Variants in CCSER1 observed in about 807,000 individuals in gnomAD.
CCSER1 encodes coiled-coil serine rich protein 1.
In CCSER1, 41 loss-of-function variants were observed where a neutral mutation model predicts 82.0. The ratio of observed to expected loss-of-function variants is 0.50; its 90% CI spans 0.39 to 0.65. The LOEUF (loss-of-function observed/expected upper bound fraction) is 0.65, where lower values mean the gene tolerates loss of function less well. Ranked by LOEUF, CCSER1 falls within the 30% of genes least tolerant of loss-of-function variation. The pLI is 0.00. For synonymous variants in CCSER1, 414 were observed against 383.9 expected (o/e 1.08, Z -0.92); for missense variants, 1,119 against 1,064.2 (o/e 1.05, Z -0.72).
intron 3 of CCSER1, among the ~76,000 whole-genome samples, chr4:90,332,186 A>G (rs1739418044): frequency 1.3e-5 from 2 of 152,116 alleles, no homozygotes; most frequent in Admixed American, 1.3e-4. Context: ...TAGAACGAGC[A>G]TCACTTTAGT....
At chr4:91,477,949 C>G (rs1185068573) in intron 10 of CCSER1, among the ~76,000 whole-genome samples, 1 of 151,798 alleles carries the variant, frequency 6.6e-6, no homozygotes, top group Admixed American at 6.6e-5. Flanking sequence ...TAGTAAATGA[C>G]TGATTCAAGG....
Position 90,968,901 on chromosome 4 carries a change from C to T in CCSER1, c.2172+45454C>T, listed in dbSNP as rs1442883864. On this transcript the variant is annotated intron_variant, in intron 9 of 10. Transcript: ENST00000509176. ...TGTTTTAAGGAAGCTCAAGATGCTA[C>T]AGAAACACAGAAAAATGAACAAAAA... is the stretch of plus-strand genomic sequence containing the variant. Among the ~76,000 whole-genome samples the T allele has an allele frequency of 2.6e-5, 4 of 151,160 alleles. No homozygotes were observed. In the East Asian group the frequency reaches 7.8e-4, roughly 29 times the overall value.
intron 1 of CCSER1, among the ~76,000 whole-genome samples, chr4:90,131,930 T>A (rs577466557): frequency 6.6e-6 from 1 of 152,300 alleles, no homozygotes; most frequent in South Asian, 2.1e-4. Flanking sequence ...AAGGGAAACA[T>A]CTGAGTTGAC....
intron 10 of CCSER1, among the ~76,000 whole-genome samples, chr4:91,143,233 T>G (rs1729207182): frequency 6.6e-6 from 1 of 151,018 alleles, no homozygotes; most frequent in African/African-American, 2.4e-5. Context: ...TTTTTTTGTG[T>G]GTGCGGCTAT....
Position 90,600,973 on chromosome 4 carries a change from T to A in CCSER1, c.1725-27052T>A, listed in dbSNP as rs1783965289. Among the ~76,000 whole-genome samples the A allele has an allele frequency of 1.7e-5, 2 of 119,102 alleles. 1 individual carries two copies. The highest frequency in any genetic ancestry group is 3.3e-5 in the Non-Finnish European group (2 of 60,792). The allele number at this position is 119,102 out of a possible 152,430, so 78.1% of individuals were successfully genotyped here. The stretch of plus-strand genomic sequence containing the variant: ...TAGTGATATTATTTTATTTCAAATC[T>A]ATTTTTTTCATTGCTAATGTATTGA... On this transcript the variant is annotated intron_variant, in intron 5 of 10. Coordinates refer to ENST00000509176, the MANE Select transcript of CCSER1 (RefSeq NM_001145065.2).
chr4:90,355,753 G>A (rs186795156), intron 3 of CCSER1, among the ~76,000 whole-genome samples: 111 of 151,962 alleles, frequency 7.3e-4, no homozygotes, highest in African/African-American at 2.1e-3. Context: ...TTGCTTCTTG[G>A]CATTTGTTCA....
Position 90,854,394 on chromosome 4 carries a change from A to T in CCSER1, c.2094+38549A>T, listed in dbSNP as rs144176148. On this transcript the variant is annotated intron_variant, in intron 8 of 10. Coordinates refer to ENST00000509176, the MANE Select transcript of CCSER1 (RefSeq NM_001145065.2). ...GCAAATTCTAAAACCATATATTTCAAGTGATTGTTGCTTTGTTATTGCTCA... is the reference window on the plus strand; with the variant it reads ...GCAAATTCTAAAACCATATATTTCATGTGATTGTTGCTTTGTTATTGCTCA... Among the ~76,000 whole-genome samples the T allele has an allele frequency of 2.6e-5, 4 of 152,294 alleles. No individual in the cohort carries two copies. The East Asian group carries it at 7.7e-4, about 29-fold the overall frequency.
At chr4:91,106,754 G>A (rs986989999) in intron 10 of CCSER1, among the ~76,000 whole-genome samples, 1 of 152,158 alleles carries the variant, frequency 6.6e-6, no homozygotes, top group Non-Finnish European at 1.5e-5. Flanking sequence ...CTCTGTGCAA[G>A]CTAGATAGCC....
At chr4:91,336,732 C>T (rs182711609) in intron 10 of CCSER1, among the ~76,000 whole-genome samples, 1 of 152,074 alleles carries the variant, frequency 6.6e-6, no homozygotes. Context: ...TAAGAACTCT[C>T]TTTAATTATA....
intron 10 of CCSER1, among the ~76,000 whole-genome samples, chr4:91,360,422 G>T (rs1005851056): frequency 5.8e-5 from 8 of 137,602 alleles, no homozygotes; most frequent in African/African-American, 2.1e-4. Context: ...ACCTTCAAAT[G>T]TCAAAAAAAA....
intron 7 of CCSER1, chr4:90,781,348 T>G: frequency 2.0e-6 from 2 of 985,388 alleles, no homozygotes; most frequent in Non-Finnish European, 2.4e-6. Flanking sequence ...TGCAAACCTC[T>G]TTTGTACTGT....
At chr4:91,097,432 C>G (rs1724618114) in intron 10 of CCSER1, among the ~76,000 whole-genome samples, 1 of 152,060 alleles carries the variant, frequency 6.6e-6, no homozygotes, top group South Asian at 2.1e-4. Flanking sequence ...ATTTGCATGA[C>G]TCAGATCTCT....
chr4:90,514,071 T>C (rs1771918751), intron 5 of CCSER1, among the ~76,000 whole-genome samples: 2 of 152,072 alleles, frequency 1.3e-5, no homozygotes, highest in Admixed American at 1.3e-4. Context: ...GAGAAGAACA[T>C]TTACAAAGGA....
chr4:90,800,434 A>C (rs1756651251), intron 7 of CCSER1, among the ~76,000 whole-genome samples: 1 of 151,974 alleles, frequency 6.6e-6, no homozygotes, highest in Admixed American at 6.6e-5. Flanking sequence ...TGTAGTTTAC[A>C]TTGTGGGAGG....
chr4:91,307,215 A>T (rs1489192007), intron 10 of CCSER1, among the ~76,000 whole-genome samples: 1 of 151,934 alleles, frequency 6.6e-6, no homozygotes, highest in Non-Finnish European at 1.5e-5. Context: ...ATATCCCCAT[A>T]TAACCTCTCT....
chr4:90,382,647 A>G (rs1749382374), intron 3 of CCSER1, among the ~76,000 whole-genome samples: 1 of 152,134 alleles, frequency 6.6e-6, no homozygotes, highest in Non-Finnish European at 1.5e-5. Context: ...AGCACTCTGT[A>G]ATTGCCTATG....
Position 90,381,012 on chromosome 4 carries a change from T to TG in CCSER1, c.1510-19022dup, listed in dbSNP as rs553895635. Reference sequence around the variant, plus strand: ...AGCCTGGACCAGAGTTGGGCACTGATGGCACCCAGGAGTGCTGGCCCAGCC... The same window carrying TG: ...AGCCTGGACCAGAGTTGGGCACTGATGGGCACCCAGGAGTGCTGGCCCAGCC... On this transcript the variant is annotated intron_variant, in intron 3 of 10. Coordinates refer to ENST00000509176, the MANE Select transcript of CCSER1 (RefSeq NM_001145065.2). 3.2e-3 allele frequency among the ~76,000 whole-genome samples: 480 copies of TG among 152,362 alleles called. 3 individuals are homozygous for TG. Among genetic ancestry groups the TG allele is most frequent in the Non-Finnish European group, 6.0e-3 (407 of 68,036 alleles).
At position 91,358,391 on chromosome 4, in the gene CCSER1, G is replaced by GTTTTTTTTTTTTTTTT. The variant is rs34378206; in HGVS notation, c.2218-240179_2218-240178insTTTTTTTTTTTTTTTT. ...TGGGCTTACTTTGTGCCTGACCCAC[G>GTTTTTTTTTTTTTTTT]TTGTTTTTTTTTTTTTTTTCCCGAG... On this transcript the variant is annotated intron_variant, in intron 10 of 10. Transcript: ENST00000509176. 1.6e-5 allele frequency among the ~76,000 whole-genome samples: 2 copies of GTTTTTTTTTTTTTTTT among 127,052 alleles called. 1 individual carries two copies. The highest frequency in any genetic ancestry group is 6.5e-5 in the African/African-American group (2 of 30,568). The allele number at this position is 127,052 out of a possible 152,430, so 83.4% of individuals were successfully genotyped here. A position where few individuals can be genotyped will look rare whatever the true frequency, so the allele number is the denominator to read the frequency against.
At chr4:91,554,769 A>G (rs972625285) in intron 10 of CCSER1, among the ~76,000 whole-genome samples, 3 of 151,308 alleles carry the variant, frequency 2.0e-5, no homozygotes, top group African/African-American at 7.3e-5. Flanking sequence ...ACATCACACT[A>G]CTGATTTTAG....
Sources: allele counts gnomAD v4.1 joint callset (sites outside exome capture counted in the v4.1 genomes callset), GRCh38; gene constraint gnomAD v4.1.1; transcripts MANE v1.5; gene names NCBI Gene and HGNC (gene_info 2026-07-23, HGNC 2026-07-21).